ADGRD2: variants seen among roughly 807,000 people sequenced by gnomAD.
The protein encoded by ADGRD2 is G protein-coupled receptor PGR24.
Under a neutral mutation model 44.4 loss-of-function variants are expected in ADGRD2, and 71 were observed. The observed-to-expected ratio is 1.60, with a 90% CI of 1.32 to 1.95. The LOEUF (loss-of-function observed/expected upper bound fraction) is 1.95. Ranked by LOEUF, ADGRD2 falls within the 30% of genes most tolerant of loss-of-function variation. The pLI is 0.00. For synonymous variants in ADGRD2, 481 were observed against 224.8 expected (o/e 2.14, Z -10.19); for missense variants, 1,039 against 512.4 (o/e 2.03, Z -9.92).
intron 17 of ADGRD2, 50 bp from the exon 21 acceptor site, chr9:124,475,396 G>T (rs1424781075): frequency 2.9e-6 from 2 of 696,758 alleles, no homozygotes; most frequent in Non-Finnish European, 5.3e-6. Flanking sequence ...AGGCTGTGGG[G>T]GATGGGGTAG....
chr9:124,478,174 G>C (rs1370189488), intron 21 of ADGRD2, 107 bp from the exon 25 acceptor site: 2 of 152,402 alleles, frequency 1.3e-5, no homozygotes, highest in African/African-American at 4.8e-5. Flanking sequence ...TCACAGCGAG[G>C]ACGGGCCAGG....
chr9:124,475,542 C>T (rs1158692939), intron 18 of ADGRD2, 29 bp from the exon 22 acceptor site: 4 of 715,738 alleles, frequency 5.6e-6, no homozygotes, highest in Non-Finnish European at 1.0e-5. Flanking sequence ...AGGGAGGGTC[C>T]CCAGCCTGAC....
chr9:124,452,613 G>A (rs777070163), exon 2 of ADGRD2: 2 of 718,352 alleles, frequency 2.8e-6, no homozygotes, highest in African/African-American at 1.7e-5. Context: ...GCGAGCAGCA[G>A]TTTGGCCACT....
intron 12 of ADGRD2, 25 bp downstream of exon 15, chr9:124,467,849 CT>C: frequency 1.4e-6 from 1 of 718,074 alleles, no homozygotes; most frequent in Non-Finnish European, 2.6e-6. Flanking sequence ...CCACTGTAGC[CT>C]GGTGGCCTGG....
At chr9:124,468,315 G>A (rs1474844257) in intron 13 of ADGRD2, 125 bp downstream of exon 16, 12 of 685,376 alleles carry the variant, frequency 1.8e-5, no homozygotes, top group South Asian at 1.7e-4. Context: ...GAGGAGCAGG[G>A]CCCGGGGAGG....
exon 13 of ADGRD2, chr9:124,468,107 A>G: frequency 1.4e-6 from 1 of 718,504 alleles, no homozygotes; most frequent in East Asian, 2.7e-5. Context: ...GTCAGAGCGA[A>G]CCACAGTCCA....
chr9:124,468,000 G>A (rs993245476), intron 12 of ADGRD2, 88 bp from the exon 16 acceptor site: 1 of 714,464 alleles, frequency 1.4e-6, no homozygotes, highest in Non-Finnish European at 2.6e-6. Flanking sequence ...CATCTGCCCA[G>A]GCACAGGGGA....
intron 21 of ADGRD2, 55 bp downstream of exon 24, chr9:124,476,764 C>A: frequency 1.5e-6 from 1 of 681,966 alleles, no homozygotes; most frequent in Non-Finnish European, 2.7e-6. Flanking sequence ...TGGACACCCC[C>A]TAAGCCCCCC....
At chr9:124,460,951 AC>A (rs1831714385) in intron 10 of ADGRD2, among the ~76,000 whole-genome samples, 1 of 152,030 alleles carries the variant, frequency 6.6e-6, no homozygotes, top group Non-Finnish European at 1.5e-5. Flanking sequence ...GTTGCTCCAC[AC>A]CTCTGCCAAC....
exon 3 of ADGRD2, chr9:124,453,064 G>C (rs935694406): frequency 2.5e-5 from 17 of 677,256 alleles, no homozygotes; most frequent in African/African-American, 2.5e-4. Context: ...GCTGGTGTTC[G>C]ACGAGAGGAC....
At position 124,469,562 on chromosome 9, in the gene ADGRD2, T is replaced by TG. The variant is rs1362590253; in HGVS notation, c.2637+21dup. 4.2e-6 allele frequency: 3 copies of TG among 717,166 alleles called. No individual in the cohort carries two copies. The highest frequency in any genetic ancestry group is 5.4e-5 in the East Asian group (2 of 37,278). The allele number at this position is 717,166 out of a possible 1,614,324, so 44.4% of individuals were successfully genotyped here. On this transcript the variant is annotated intron_variant, in intron 16 of 21. Transcript: ENST00000334810. ...ACCCAGATATGGTGAGGCCCCAGAATGGGGGGCCAGCAGGAAGCAGGAAGT... is the reference window on the plus strand; with the variant it reads ...ACCCAGATATGGTGAGGCCCCAGAATGGGGGGGCCAGCAGGAAGCAGGAAGT...
intron 10 of ADGRD2, chr9:124,466,053 T>A: frequency 2.5e-6 from 1 of 397,628 alleles, no homozygotes; most frequent in Non-Finnish European, 4.5e-6. Context: ...TAAATGACAG[T>A]CACTGGGATC....
intron 10 of ADGRD2, among the ~76,000 whole-genome samples, chr9:124,459,164 T>C (rs972280449): frequency 5.3e-5 from 8 of 152,158 alleles, no homozygotes; most frequent in African/African-American, 1.4e-4. Context: ...CAAATAAAAA[T>C]AACCTAAATG....
exon 12 of ADGRD2, chr9:124,467,782 T>G (rs1831854780): frequency 1.4e-6 from 1 of 718,514 alleles, no homozygotes; most frequent in Non-Finnish European, 2.6e-6. Context: ...GGCGTGTCCT[T>G]CTGCGCCCTC....
At chr9:124,462,068 CT>C (rs1564140356) in intron 10 of ADGRD2, among the ~76,000 whole-genome samples, 1 of 150,260 alleles carries the variant, frequency 6.7e-6, no homozygotes, top group South Asian at 2.1e-4. Context: ...TTTTTCTTTT[CT>C]TTTTTTGAGA....
chr9:124,457,639 G>T (rs1206089246), intron 8 of ADGRD2, 33 bp downstream of exon 11: 2 of 583,154 alleles, frequency 3.4e-6, no homozygotes, highest in East Asian at 5.6e-5. Flanking sequence ...CCAGAGCCCT[G>T]TTGGGTTCTG....
At chr9:124,455,663 A>T (rs1831602187) in intron 6 of ADGRD2, among the ~76,000 whole-genome samples, 1 of 152,196 alleles carries the variant, frequency 6.6e-6, no homozygotes, top group African/African-American at 2.4e-5. Context: ...ACCAGTCAGT[A>T]AGAGCCTCCA....
At chr9:124,467,861 G>T (rs1368564415) in intron 12 of ADGRD2, 37 bp downstream of exon 15, 2 of 717,494 alleles carry the variant, frequency 2.8e-6, no homozygotes, top group Admixed American at 4.0e-5. Context: ...GGTGGCCTGG[G>T]CCCTCCCGCC....
intron 10 of ADGRD2, among the ~76,000 whole-genome samples, chr9:124,459,594 A>T (rs1348741253): frequency 6.6e-6 from 1 of 152,222 alleles, no homozygotes; most frequent in Non-Finnish European, 1.5e-5. Flanking sequence ...AATATTCAGA[A>T]AAAATAGCAT....
Sources: allele counts gnomAD v4.1 joint callset (sites outside exome capture counted in the v4.1 genomes callset), GRCh38; gene constraint gnomAD v4.1.1; transcripts MANE v1.5; gene names NCBI Gene and HGNC (gene_info 2026-07-23, HGNC 2026-07-21).